Variants in IL1RAPL2 observed in about 807,000 individuals in gnomAD.
The protein encoded by IL1RAPL2 is X-linked interleukin-1 receptor accessory protein-like 2.
Under a neutral mutation model 44.1 loss-of-function variants are expected in IL1RAPL2, and 3 were observed. The ratio of observed to expected loss-of-function variants is 0.07; its 90% confidence interval spans 0.03 to 0.18. The LOEUF is 0.18. Among genes scored for constraint, IL1RAPL2 ranks in the 10% least tolerant of loss-of-function variants. IL1RAPL2 has a pLI of 1.00. For synonymous variants in IL1RAPL2, 181 were observed against 178.8 expected, an observed-to-expected ratio of 1.01 and a Z score of -0.10; for missense variants, 391 against 496.4, an observed-to-expected ratio of 0.79 and a Z score of 2.02.
intron 7 of IL1RAPL2, among the ~76,000 whole-genome samples, chrX:105,722,384 C>G (rs968258785): frequency 2.7e-5 from 3 of 111,392 alleles, no homozygotes; most frequent in African/African-American, 9.8e-5. Context: ...TTCTTTCAGT[C>G]TAGAGCCATT....
At chrX:104,808,697 C>A (rs187261286) in intron 2 of IL1RAPL2, among the ~76,000 whole-genome samples, 6 of 111,475 alleles carry the variant, frequency 5.4e-5, no homozygotes, top group African/African-American at 1.3e-4. Context: ...GACAATCTTG[C>A]GGGAGATGGG....
At chrX:104,974,125 A>T (rs899809169) in intron 2 of IL1RAPL2, among the ~76,000 whole-genome samples, 3 of 111,650 alleles carry the variant, frequency 2.7e-5, no homozygotes, top group African/African-American at 9.8e-5. Context: ...ACTATTCCAC[A>T]ATTTTAAGAT....
intron 5 of IL1RAPL2, among the ~76,000 whole-genome samples, chrX:105,269,078 C>T (rs2034427831): frequency 1.8e-5 from 2 of 111,383 alleles, no homozygotes; most frequent in Admixed American, 1.9e-4. Context: ...CATTAATTGA[C>T]TTATGATTAA....
At chrX:105,503,353 TAA>T (rs2036409381) in intron 6 of IL1RAPL2, among the ~76,000 whole-genome samples, 1 of 111,101 alleles carries the variant, frequency 9.0e-6, no homozygotes, top group Admixed American at 9.6e-5. Context: ...CCCAGTTAAT[TAA>T]CTGGACTACT....
chrX:105,343,257 CT>C (rs749311371), intron 5 of IL1RAPL2, among the ~76,000 whole-genome samples: 1 of 111,748 alleles, frequency 8.9e-6, no homozygotes, highest in African/African-American at 3.2e-5. Flanking sequence ...TATTTTATGT[CT>C]TTTAAATGAA....
rs776144104 is a variant in IL1RAPL2 at position 104,835,834 on chromosome X, C to T, written c.82+176839C>T. Among the ~76,000 whole-genome samples, 19 of 112,074 alleles carry T rather than the reference C, an allele frequency of 1.7e-4. No individual in the cohort carries two copies. The East Asian group carries it at 5.3e-3, about 31-fold the overall frequency. ...TAGCCACGTTTTCAAAACAAAATAA[C>T]TTTCTTAAGTTCCACTGACTTTGAT... On this transcript the variant is annotated intron_variant, in intron 2 of 10. Transcript: ENST00000372582.
intron 5 of IL1RAPL2, among the ~76,000 whole-genome samples, chrX:105,336,510 G>A (rs753269683): frequency 8.9e-5 from 10 of 112,035 alleles, no homozygotes; most frequent in African/African-American, 2.9e-4. Context: ...CATTTCCCTC[G>A]TTCTGCTCCT....
At chrX:105,219,881 A>C (rs2033931492) in intron 3 of IL1RAPL2, 5 of 976,458 alleles carry the variant, frequency 5.1e-6, no homozygotes, top group Non-Finnish European at 7.0e-6. Context: ...CAGGGTGGAG[A>C]GGGGTGGGAA....
chrX:104,784,677 C>G (rs1932789593), intron 2 of IL1RAPL2, among the ~76,000 whole-genome samples: 1 of 109,413 alleles, frequency 9.1e-6, no homozygotes. Context: ...CCTTTGAATA[C>G]TATCTCTTTA....
intron 2 of IL1RAPL2, among the ~76,000 whole-genome samples, chrX:104,830,363 T>C (rs916989400): frequency 2.8e-4 from 31 of 111,632 alleles, no homozygotes; most frequent in African/African-American, 9.7e-4. Context: ...CACTATGGTA[T>C]GTAGAATGGT....
At chrX:105,548,654 A>G (rs919995804) in intron 6 of IL1RAPL2, among the ~76,000 whole-genome samples, 2 of 111,609 alleles carry the variant, frequency 1.8e-5, no homozygotes, top group African/African-American at 3.3e-5. Flanking sequence ...GGATGTAGCT[A>G]AGACTGTAGG....
At chrX:104,864,065 G>T (rs1922555832) in intron 2 of IL1RAPL2, among the ~76,000 whole-genome samples, 1 of 111,909 alleles carries the variant, frequency 8.9e-6, no homozygotes, top group African/African-American at 3.2e-5. Flanking sequence ...AACTGACACT[G>T]AGAACTCTTG....
chrX:104,841,645 T>G (rs911010562), intron 2 of IL1RAPL2, among the ~76,000 whole-genome samples: 2 of 111,638 alleles, frequency 1.8e-5, no homozygotes, highest in Admixed American at 1.9e-4. Flanking sequence ...CCTTCCCTTA[T>G]GAAGCTTAGT....
In IL1RAPL2 at chrX:105,315,401, A is replaced by G. The variant is rs763347037; in HGVS notation, c.697+47860A>G. ...TTTTTTTAAAAAAAAATGAGATGAA[A>G]GTCACATAATTTAGAATTAATCATT... is the stretch of plus-strand genomic sequence containing the variant. On this transcript the variant is annotated intron_variant, in intron 5 of 10. Transcript: ENST00000372582. Among the ~76,000 whole-genome samples, 20 of 104,866 alleles carry G rather than the reference A, an allele frequency of 1.9e-4. No individual in the cohort carries two copies. The East Asian group carries it at 6.2e-3, about 32-fold the overall frequency. 91.1% of individuals were successfully genotyped at this position (104,866 alleles called of 115,157 possible). A position where few individuals can be genotyped will look rare whatever the true frequency, so the allele number is the denominator to read the frequency against.
At chrX:105,636,488 C>A (rs775580513) in intron 6 of IL1RAPL2, among the ~76,000 whole-genome samples, 1 of 111,531 alleles carries the variant, frequency 9.0e-6, no homozygotes, top group East Asian at 2.8e-4. Flanking sequence ...TGAATTTTCA[C>A]AGAAATGTTG....
intron 5 of IL1RAPL2, among the ~76,000 whole-genome samples, chrX:105,426,268 T>C (rs2035809718): frequency 9.0e-6 from 1 of 110,729 alleles, no homozygotes; most frequent in African/African-American, 3.3e-5. Context: ...AAGTACTATG[T>C]CATCTGACCC....
chrX:105,555,578 G>C (rs767576876), intron 6 of IL1RAPL2, among the ~76,000 whole-genome samples: 1 of 111,593 alleles, frequency 9.0e-6, no homozygotes, highest in Non-Finnish European at 1.9e-5. Flanking sequence ...CTATGTCTTA[G>C]GATAAAAATC....
chrX:104,766,586 G>A (rs1932558201), intron 2 of IL1RAPL2, among the ~76,000 whole-genome samples: 2 of 112,006 alleles, frequency 1.8e-5, no homozygotes, highest in Non-Finnish European at 3.8e-5. Context: ...CCTAGACACT[G>A]TTCTAAGTAA....
Position 104,576,749 on chromosome X carries a change from T to C in IL1RAPL2, c.-20+9698T>C, listed in dbSNP as rs777871334. Among the ~76,000 whole-genome samples the C allele has an allele frequency of 1.6e-4, 18 of 111,925 alleles. No homozygotes were observed. The South Asian group carries it at 1.9e-3, about 12-fold the overall frequency. Reference sequence around the variant, plus strand: ...CCTTTTGCTAATATCTTCATCTGATTCTAGACTCATTATCTTGTCACTAAA... The same window carrying C: ...CCTTTTGCTAATATCTTCATCTGATCCTAGACTCATTATCTTGTCACTAAA... On this transcript the variant is annotated intron_variant, in intron 1 of 10. Transcript: ENST00000372582.
Sources: allele counts gnomAD v4.1 joint callset (sites outside exome capture counted in the v4.1 genomes callset), GRCh38; gene constraint gnomAD v4.1.1; transcripts MANE v1.5; gene names NCBI Gene and HGNC (gene_info 2026-07-23, HGNC 2026-07-21).